The following G2E3 variants were observed in gnomAD, a reference collection of about 807,000 sequenced individuals.
The protein encoded by G2E3 is G2/M-phase specific E3 ubiquitin protein ligase.
G2E3 carries 35 observed loss-of-function variants against 92.8 expected under a neutral mutation model. The ratio of observed to expected loss-of-function variants is 0.38; its 90% confidence interval spans 0.29 to 0.50. The LOEUF is 0.50. Among genes scored for constraint, G2E3 ranks in the 20% least tolerant of loss-of-function variants. The pLI is 0.94. For missense variants in G2E3, 554 were observed against 823.8 expected, an observed-to-expected ratio of 0.67 and a Z score of 4.01; for synonymous variants, 242 against 272.4, an observed-to-expected ratio of 0.89 and a Z score of 1.10.
intron 2 of G2E3, among the ~76,000 whole-genome samples, chr14:30,584,159 T>G (rs1223342310): frequency 6.6e-6 from 1 of 152,244 alleles, no homozygotes; most frequent in Admixed American, 6.5e-5. Flanking sequence ...TTCTTTCACT[T>G]AACATAATAT....
chr14:30,579,648 GTAT>G (rs1880315696), intron 1 of G2E3, among the ~76,000 whole-genome samples: 1 of 152,040 alleles, frequency 6.6e-6, no homozygotes, highest in African/African-American at 2.4e-5. Flanking sequence ...ATAATATTCT[GTAT>G]TATTTTTTGT....
At chr14:30,568,555 C>T (rs1030589574) in intron 1 of G2E3, among the ~76,000 whole-genome samples, 11 of 151,974 alleles carry the variant, frequency 7.2e-5, no homozygotes, top group Non-Finnish European at 1.0e-4. Flanking sequence ...CTTTTCTGCA[C>T]ATATTTTTTA....
In G2E3 at chr14:30,607,879, T is replaced by C; in HGVS notation, c.1319-9T>C. The C allele has an allele frequency of 1.3e-6, 2 of 1,519,510 alleles. No individual in the cohort carries two copies. Among genetic ancestry groups the C allele is most frequent in the Non-Finnish European group, 1.8e-6 (2 of 1,100,680 alleles). 94.1% of individuals were successfully genotyped at this position (1,519,510 alleles called of 1,614,324 possible). ...AGTGTATTTGATATATTTTCATCTG[T>C]ATTTACAGCTCTGAAAGAGAATCTT... is the stretch of plus-strand genomic sequence containing the variant. On this transcript the variant is annotated splice_polypyrimidine_tract_variant and intron_variant, in intron 11 of 14. Transcript: ENST00000206595.
chr14:30,615,387 AAAT>A lies in G2E3; in HGVS notation c.1713_1715del (p.Lys571_Ile572delinsAsn), dbSNP rs779207765. ...CTGAAAACCCTTGGTGTTTTGGAGAAAATTCAGGCTTATCCAGAAGCATTTTGT... is the reference window on the plus strand; with the variant it reads ...CTGAAAACCCTTGGTGTTTTGGAGAATCAGGCTTATCCAGAAGCATTTTGT... On this transcript the variant is annotated inframe_deletion, in exon 14 of 15. Coordinates refer to ENST00000206595, the MANE Select transcript of G2E3 (RefSeq NM_017769.5). 1 of 1,602,116 alleles carries A rather than the reference AAAT, an allele frequency of 6.2e-7. No individual in the cohort carries two copies. Among genetic ancestry groups the A allele is most frequent in the Non-Finnish European group, 8.5e-7 (1 of 1,176,030 alleles).
At chr14:30,613,990 G>T (rs1230547845) in intron 13 of G2E3, among the ~76,000 whole-genome samples, 3 of 151,840 alleles carry the variant, frequency 2.0e-5, no homozygotes, top group Admixed American at 6.6e-5. Context: ...AGCATAAATT[G>T]CATTTTCATT....
intron 10 of G2E3, among the ~76,000 whole-genome samples, chr14:30,604,388 G>A (rs1881724608): frequency 6.6e-6 from 1 of 152,244 alleles, no homozygotes. Context: ...CATGGGCATT[G>A]CCCAAAACAA....
At chr14:30,584,714 C>G (rs1241241618) in intron 2 of G2E3, among the ~76,000 whole-genome samples, 1 of 150,184 alleles carries the variant, frequency 6.7e-6, no homozygotes, top group African/African-American at 2.5e-5. Context: ...AATCTAGTGC[C>G]TATTTTTAAA....
chr14:30,575,587 T>G (rs1438786776), intron 1 of G2E3, among the ~76,000 whole-genome samples: 1 of 152,216 alleles, frequency 6.6e-6, no homozygotes, highest in Non-Finnish European at 1.5e-5. Context: ...ACTATCTCTT[T>G]GCAGATTACA....
chr14:30,596,135 C>CGTGTGTGT lies in G2E3; in HGVS notation c.529-1262_529-1255dup, dbSNP rs59672554. On this transcript the variant is annotated intron_variant, in intron 6 of 14. Coordinates refer to ENST00000206595, the MANE Select transcript of G2E3 (RefSeq NM_017769.5). ...ATGGGTGGGTGGGTGGGTGGGTGTG[C>CGTGTGTGT]GTGTGTGTGTGTGTGTGTGTGTGTG... Among the ~76,000 whole-genome samples, 480 of 127,242 alleles carry CGTGTGTGT rather than the reference C, an allele frequency of 3.8e-3. 4 individuals carry two copies. Among genetic ancestry groups the CGTGTGTGT allele is most frequent in the African/African-American group, 0.012 (396 of 33,234 alleles). The allele number at this position is 127,242 out of a possible 152,430, so 83.5% of individuals were successfully genotyped here. A position where few individuals can be genotyped will look rare whatever the true frequency, so the allele number is the denominator to read the frequency against.
intron 1 of G2E3, among the ~76,000 whole-genome samples, chr14:30,579,461 T>C (rs1880303898): frequency 6.6e-6 from 1 of 152,192 alleles, no homozygotes; most frequent in Non-Finnish European, 1.5e-5. Context: ...TATGTTTAAA[T>C]CCAAAACACT....
chr14:30,594,921 G>A (rs1003991884), intron 6 of G2E3, among the ~76,000 whole-genome samples: 3 of 151,012 alleles, frequency 2.0e-5, no homozygotes. Flanking sequence ...CTGAGGTCAG[G>A]AGTTCGAGAC....
At chr14:30,563,030 T>TC (rs778780066) in intron 1 of G2E3, among the ~76,000 whole-genome samples, 12 of 152,108 alleles carry the variant, frequency 7.9e-5, no homozygotes, top group Admixed American at 6.5e-4. Flanking sequence ...GTGATAGTGG[T>TC]CCCCCGGGCC....
In G2E3 at chr14:30,619,182, G is replaced by C. The variant is rs554378906; in HGVS notation, c.*2648G>C. 3.9e-5 allele frequency: 6 copies of C among 151,988 alleles called. No homozygotes were observed. The highest frequency in any genetic ancestry group is 7.4e-5 in the Non-Finnish European group (5 of 67,910). 9.4% of individuals were successfully genotyped at this position (151,988 alleles called of 1,614,324 possible). A position where few individuals can be genotyped will look rare whatever the true frequency, so the allele number is the denominator to read the frequency against. On this transcript the variant is annotated 3_prime_UTR_variant, in exon 15 of 15. Transcript: ENST00000206595. Reference sequence around the variant, plus strand: ...TAATTTTTAGTTTCTGTAATTTGAGGAAGTGACTTTTTTTGTTTGGGTTAA... The same window carrying C: ...TAATTTTTAGTTTCTGTAATTTGAGCAAGTGACTTTTTTTGTTTGGGTTAA...
chr14:30,606,796 G>GA (rs1310219793), intron 11 of G2E3, among the ~76,000 whole-genome samples: 1 of 151,984 alleles, frequency 6.6e-6, no homozygotes, highest in Non-Finnish European at 1.5e-5. Context: ...AAAAATTAAG[G>GA]AAAAATTTAC....
chr14:30,614,213 G>T, intron 13 of G2E3, among the ~76,000 whole-genome samples: 1 of 151,608 alleles, frequency 6.6e-6, no homozygotes. Flanking sequence ...TTTATTATTT[G>T]TTTTTCTTTT....
intron 11 of G2E3, 42 bp from the exon 12 acceptor site, chr14:30,607,846 A>G: frequency 9.8e-7 from 1 of 1,023,952 alleles, no homozygotes; most frequent in African/African-American, 1.7e-5. Context: ...TTATCTTATA[A>G]TAATAGAAGT....
At chr14:30,575,397 A>G (rs564501294) in intron 1 of G2E3, among the ~76,000 whole-genome samples, 43 of 152,318 alleles carry the variant, frequency 2.8e-4, no homozygotes, top group Admixed American at 1.6e-3. Context: ...AGAGCCATCT[A>G]TGACAAACCC....
At chr14:30,574,211 T>G (rs1879940195) in intron 1 of G2E3, among the ~76,000 whole-genome samples, 2 of 152,142 alleles carry the variant, frequency 1.3e-5, no homozygotes, top group Admixed American at 6.6e-5. Flanking sequence ...GCTTCAGTAT[T>G]TCCTAAGAAC....
chr14:30,598,414 G>A (rs1186987130), intron 7 of G2E3, 69 bp from the exon 8 acceptor site: 1 of 1,051,874 alleles, frequency 9.5e-7, no homozygotes, highest in Non-Finnish European at 1.5e-6. Context: ...TTTATTTTTA[G>A]ATTCATTCCT....
Sources: gnomAD v4.1 joint callset for allele counts (sites outside exome capture counted in the v4.1 genomes callset) on GRCh38, gnomAD v4.1.1 for gene constraint, MANE v1.5 for transcripts, NCBI Gene and HGNC (gene_info 2026-07-23, HGNC 2026-07-21) for gene names.